ATG12: variants seen among roughly 807,000 people sequenced by gnomAD.
ATG12 encodes autophagy related 12, also known as ubiquitin-like protein ATG12.
Under a neutral mutation model 17.6 loss-of-function variants are expected in ATG12, and 19 were observed. That is an observed-to-expected ratio of 1.08 (90% CI 0.75 to 1.58). The LOEUF (loss-of-function observed/expected upper bound fraction) is 1.58. Among genes scored for constraint, ATG12 ranks in the 40% most tolerant of loss-of-function variants. ATG12 has a pLI of 0.00. For missense variants in ATG12, 214 were observed against 162.0 expected (o/e 1.32, Z -1.74); for synonymous variants, 75 against 62.4 (o/e 1.20, Z -0.95).
intron 1 of ATG12, 136 bp downstream of exon 1, chr5:115,841,254 C>G (rs188869449): frequency 8.4e-7 from 1 of 1,192,398 alleles, no homozygotes; most frequent in African/African-American, 1.6e-5. Flanking sequence ...AAGTACACTT[C>G]TTTTCTTCTG....
chr5:115,835,750 T>C (rs1160549789), intron 2 of ATG12, among the ~76,000 whole-genome samples: 6 of 152,318 alleles, frequency 3.9e-5, no homozygotes, highest in Non-Finnish European at 8.8e-5. Context: ...TTTGAGGTTC[T>C]ACTTTTCTCA....
At position 115,831,740 on chromosome 5, in the gene ATG12, T is replaced by C. The variant is rs183270932; in HGVS notation, c.*64A>G. On this transcript the variant is annotated 3_prime_UTR_variant, in exon 4 of 4. Coordinates refer to ENST00000509910, the MANE Select transcript of ATG12 (RefSeq NM_004707.4). ...GTCTCTTGCCACAAGCATCAAAACT[T>C]TTCAGAGCTGTCTCTTCCGTGAAAA... 1,026 of 1,523,508 alleles carry C rather than the reference T, an allele frequency of 6.7e-4. 6 individuals carry two copies. The African/African-American group carries it at 0.01, about 15-fold the overall frequency. The allele number at this position is 1,523,508 out of a possible 1,614,324, so 94.4% of individuals were successfully genotyped here.
chr5:115,834,713 TCA>T (rs1010729321), intron 2 of ATG12, among the ~76,000 whole-genome samples: 3 of 152,198 alleles, frequency 2.0e-5, no homozygotes, highest in African/African-American at 7.2e-5. Context: ...AAGCCTTATT[TCA>T]CACTTTTTCC....
At position 115,840,628 on chromosome 5, in the gene ATG12, G is replaced by C. The variant is rs146435206; in HGVS notation, c.163+762C>G. On this transcript the variant is annotated intron_variant, in intron 1 of 3. Coordinates refer to ENST00000509910, the MANE Select transcript of ATG12 (RefSeq NM_004707.4). ...CCACTGTCATCTTAAGACAGAACGG[G>C]GAAAACGTCTAAGGACGAAATCAGC... 3.8e-4 allele frequency: 481 copies of C among 1,266,212 alleles called. 3 individuals carry two copies. The East Asian group carries it at 9.6e-3, about 25-fold the overall frequency. 78.4% of individuals were successfully genotyped at this position (1,266,212 alleles called of 1,614,324 possible).
intron 3 of ATG12, among the ~76,000 whole-genome samples, chr5:115,832,252 C>T (rs1291079988): frequency 1.3e-5 from 2 of 151,980 alleles, no homozygotes; most frequent in African/African-American, 2.4e-5. Flanking sequence ...TTCTTGTAGG[C>T]AGATTTGGAT....
intron 2 of ATG12, among the ~76,000 whole-genome samples, chr5:115,835,584 G>C (rs1021041342): frequency 6.6e-6 from 1 of 151,908 alleles, no homozygotes; most frequent in Non-Finnish European, 1.5e-5. Flanking sequence ...TGGGGTCCCA[G>C]AGCCCTCCTG....
rs1420326174 is a variant in ATG12 at position 115,830,520 on chromosome 5, C to T, written c.*1284G>A. 6.6e-6 allele frequency: 1 copy of T among 152,076 alleles called. No homozygotes were observed. Among genetic ancestry groups the T allele is most frequent in the Non-Finnish European group, 1.5e-5 (1 of 68,012 alleles). 9.4% of individuals were successfully genotyped at this position (152,076 alleles called of 1,614,324 possible). ...AGATCCTGTTTTGAAATTCCATTCA[C>T]ATTACATTCGATTTACTAGAATGCC... On this transcript the variant is annotated 3_prime_UTR_variant, in exon 4 of 4. Coordinates refer to ENST00000509910, the MANE Select transcript of ATG12 (RefSeq NM_004707.4).
chr5:115,835,045 T>C (rs555527217), intron 2 of ATG12: 15 of 152,300 alleles, frequency 9.8e-5, no homozygotes, highest in Non-Finnish European at 2.1e-4. Context: ...TATTATCCGT[T>C]GTTTATGTTC....
chr5:115,834,974 G>A (rs1182530620), intron 2 of ATG12: 2 of 151,966 alleles, frequency 1.3e-5, no homozygotes, highest in African/African-American at 4.8e-5. Context: ...TTTCTTCACA[G>A]ACTCTTGTCC....
At chr5:115,837,044 T>C (rs1761131278) in intron 2 of ATG12, among the ~76,000 whole-genome samples, 1 of 152,236 alleles carries the variant, frequency 6.6e-6, no homozygotes, top group Non-Finnish European at 1.5e-5. Flanking sequence ...AAAACTTCTG[T>C]AGTAATGTAC....
intron 2 of ATG12, among the ~76,000 whole-genome samples, chr5:115,837,219 C>A (rs377501190): frequency 1.4e-3 from 210 of 152,242 alleles, no homozygotes; most frequent in African/African-American, 4.7e-3. Flanking sequence ...CCCAGAGAAT[C>A]CTTTGATAAA....
chr5:115,840,176 A>G (rs1761302361), intron 1 of ATG12, among the ~76,000 whole-genome samples: 1 of 152,248 alleles, frequency 6.6e-6, no homozygotes, highest in African/African-American at 2.4e-5. Context: ...ATCCATGGAA[A>G]TACTTATAGT....
chr5:115,834,416 C>G (rs1282126313), intron 2 of ATG12: 1 of 152,170 alleles, frequency 6.6e-6, no homozygotes. Context: ...TAATTTGTTA[C>G]TTTAAAGTAC....
At chr5:115,834,693 C>T (rs1761019101) in intron 2 of ATG12, among the ~76,000 whole-genome samples, 1 of 152,158 alleles carries the variant, frequency 6.6e-6, no homozygotes, top group Non-Finnish European at 1.5e-5. Flanking sequence ...GTCAGTTATG[C>T]AGGATATGAA....
chr5:115,837,794 A>G lies in ATG12; in HGVS notation c.164-30T>C, dbSNP rs752929832. On this transcript the variant is annotated intron_variant, in intron 1 of 3. Coordinates refer to ENST00000509910, the MANE Select transcript of ATG12 (RefSeq NM_004707.4). ...AAAAGAAGAATAAAATTTACTGACA[A>G]TTACACTGAAACATCTAAAGAGAAT... 23 of 1,564,332 alleles carry G rather than the reference A, an allele frequency of 1.5e-5. No individual in the cohort carries two copies. In the Admixed American group the frequency reaches 4.7e-4, roughly 32 times the overall value.
At chr5:115,838,059 C>G (rs1314968301) in intron 1 of ATG12, 1 of 239,752 alleles carries the variant, frequency 4.2e-6, no homozygotes, top group East Asian at 1.0e-4. Flanking sequence ...TCACAAAAAG[C>G]AAAGTAAAAT....
chr5:115,832,753 A>C, intron 2 of ATG12, 89 bp from the exon 3 acceptor site: 1 of 1,266,518 alleles, frequency 7.9e-7, no homozygotes, highest in Admixed American at 2.9e-5. Context: ...GCTATTTTGT[A>C]TTGTTTTCAC....
intron 1 of ATG12, chr5:115,838,608 AC>A: frequency 6.6e-6 from 1 of 152,240 alleles, no homozygotes; most frequent in Non-Finnish European, 1.5e-5. Context: ...GTTTGTAACT[AC>A]CAAATTTTCT....
intron 1 of ATG12, chr5:115,840,550 A>G (rs1047758469): frequency 2.5e-5 from 30 of 1,206,502 alleles, no homozygotes; most frequent in Non-Finnish European, 3.2e-5. Flanking sequence ...CACCCGCCTC[A>G]GCCTACCAAA....
Sources: allele counts gnomAD v4.1 joint callset (sites outside exome capture counted in the v4.1 genomes callset), GRCh38; gene constraint gnomAD v4.1.1; transcripts MANE v1.5; gene names NCBI Gene and HGNC (gene_info 2026-07-23, HGNC 2026-07-21).